Variants in DNAJC2 observed in about 807,000 individuals in gnomAD.
The protein encoded by DNAJC2 is DnaJ heat shock protein family (Hsp40) member C2.
In DNAJC2, 32 loss-of-function variants were observed where a neutral mutation model predicts 94.0. The observed-to-expected ratio is 0.34, with a 90% CI of 0.26 to 0.46. The LOEUF is 0.46. DNAJC2 is among the 20% of genes least tolerant of loss of function. DNAJC2 has a pLI of 1.00. For missense variants in DNAJC2, 550 were observed against 719.5 expected, an observed-to-expected ratio of 0.76 and a Z score of 2.69; for synonymous variants, 210 against 229.7, an observed-to-expected ratio of 0.91 and a Z score of 0.77.
chr7:103,340,948 C>A (rs764748705), intron 2 of DNAJC2, among the ~76,000 whole-genome samples: 2 of 152,202 alleles, frequency 1.3e-5, no homozygotes, highest in Non-Finnish European at 2.9e-5. Flanking sequence ...TTATCCTCAT[C>A]CCAGCATTGG....
intron 4 of DNAJC2, 132 bp from the exon 5 acceptor site, chr7:103,326,816 G>T: frequency 2.3e-6 from 2 of 870,776 alleles, no homozygotes; most frequent in Non-Finnish European, 3.4e-6. Flanking sequence ...TGCAGGTTGG[G>T]GAGGATTTAA....
chr7:103,314,083 A>G (rs182208855), intron 15 of DNAJC2: 7 of 985,412 alleles, frequency 7.1e-6, no homozygotes, highest in African/African-American at 1.7e-5. Context: ...GAGAATTTGT[A>G]TAATATTTGA....
intron 3 of DNAJC2, among the ~76,000 whole-genome samples, chr7:103,332,251 C>T (rs926200140): frequency 4.6e-5 from 7 of 152,248 alleles, no homozygotes; most frequent in East Asian, 1.9e-4. Context: ...ATGATCCGCC[C>T]GCCTTGGCCT....
At chr7:103,332,938 C>G (rs1318472504) in intron 3 of DNAJC2, among the ~76,000 whole-genome samples, 3 of 152,174 alleles carry the variant, frequency 2.0e-5, no homozygotes, top group Non-Finnish European at 4.4e-5. Context: ...CTGTATTTCA[C>G]TACGTTTTGA....
At chr7:103,318,315 G>A (rs1818188743) in intron 12 of DNAJC2, among the ~76,000 whole-genome samples, 1 of 152,080 alleles carries the variant, frequency 6.6e-6, no homozygotes, top group Admixed American at 6.6e-5. Flanking sequence ...ACAGGTACAC[G>A]ACACCATGCC....
At chr7:103,335,512 G>A (rs1030302164) in intron 3 of DNAJC2, 6 of 151,508 alleles carry the variant, frequency 4.0e-5, no homozygotes, top group Admixed American at 6.6e-5. Context: ...ATATTCAAAA[G>A]CTGAATTTCT....
intron 6 of DNAJC2, 132 bp downstream of exon 6, chr7:103,324,350 T>TAACA (rs2115906014): frequency 1.4e-6 from 1 of 693,640 alleles, no homozygotes; most frequent in East Asian, 3.9e-5. Flanking sequence ...ATCACATAGG[T>TAACA]AACAGAGTGC....
intron 1 of DNAJC2, 91 bp downstream of exon 1, chr7:103,344,468 C>A: frequency 6.8e-7 from 1 of 1,467,446 alleles, no homozygotes; most frequent in South Asian, 1.1e-5. Context: ...TCGCCAGGGT[C>A]AAGGGTAGAG....
At chr7:103,341,682 G>A in intron 2 of DNAJC2, 82 bp downstream of exon 2, 1 of 1,167,622 alleles carries the variant, frequency 8.6e-7, no homozygotes, top group Non-Finnish European at 1.2e-6. Flanking sequence ...CTTAAAACAT[G>A]TTTATTAATG....
intron 3 of DNAJC2, among the ~76,000 whole-genome samples, chr7:103,329,871 T>G (rs558469002): frequency 6.6e-6 from 1 of 152,334 alleles, no homozygotes; most frequent in African/African-American, 2.4e-5. Flanking sequence ...CTATATTATC[T>G]ACAAATAATA....
At chr7:103,329,213 C>T (rs1238019091) in intron 3 of DNAJC2, 2 of 250,946 alleles carry the variant, frequency 8.0e-6, no homozygotes, top group South Asian at 4.0e-5. Context: ...TTGACATGTG[C>T]CAGGCCTGTT....
intron 15 of DNAJC2, 104 bp downstream of exon 15, chr7:103,315,660 C>T: frequency 1.5e-6 from 1 of 678,578 alleles, no homozygotes; most frequent in East Asian, 2.8e-5. Context: ...GTCTGCTAAA[C>T]ATTTTATTTC....
Position 103,322,805 on chromosome 7 carries a change from GA to G in DNAJC2, c.720-12del. ...CTCCTCTCATCACGACTATAAAATA[GA>G]AAATATTGGAAACAAACTACTGCTT... On this transcript the variant is annotated splice_polypyrimidine_tract_variant and intron_variant, in intron 7 of 16. Transcript: ENST00000379263. 1 of 1,588,164 alleles carries G rather than the reference GA, an allele frequency of 6.3e-7. No individual in the cohort carries two copies. The highest frequency in any genetic ancestry group is 8.6e-7 in the Non-Finnish European group (1 of 1,169,188).
chr7:103,326,407 A>AAGG (rs1291191196), intron 5 of DNAJC2, 136 bp downstream of exon 5: 3 of 835,566 alleles, frequency 3.6e-6, no homozygotes, highest in Non-Finnish European at 5.7e-6. Context: ...TATTGCAGAG[A>AAGG]AGGAGGAGGA....
chr7:103,313,682 C>T (rs553416118), intron 15 of DNAJC2: 446 of 985,418 alleles, frequency 4.5e-4, no homozygotes, highest in Middle Eastern at 5.2e-4. Context: ...CTGCTAAAAT[C>T]TTGGGAGCCG....
chr7:103,317,996 T>G (rs1586069329), intron 12 of DNAJC2, among the ~76,000 whole-genome samples: 1 of 152,306 alleles, frequency 6.6e-6, no homozygotes, highest in Middle Eastern at 3.4e-3. Flanking sequence ...GTTACATCTA[T>G]CTGATGCACC....
intron 5 of DNAJC2, among the ~76,000 whole-genome samples, chr7:103,325,784 G>A (rs1413631184): frequency 3.9e-5 from 6 of 152,178 alleles, no homozygotes; most frequent in East Asian, 3.8e-4. Flanking sequence ...AATAAAATAC[G>A]TATGCTTTAA....
chr7:103,344,333 G>T, intron 1 of DNAJC2: 1 of 585,266 alleles, frequency 1.7e-6, no homozygotes. Context: ...GGCGAGAGGA[G>T]GAAGCAACGG....
rs72369502 is a variant in DNAJC2 at position 103,320,792 on chromosome 7, CTG to C, written c.1084-950_1084-949del. On this transcript the variant is annotated intron_variant, in intron 10 of 16. Transcript: ENST00000379263. ...ATATATATATATATATATTCTGAAA[CTG>C]TGTCTATATTCATATCTTCAGTTAT... The C allele has an allele frequency of 9.8e-3, 1,587 of 161,980 alleles. 32 individuals carry two copies. The highest frequency in any genetic ancestry group is 0.041 in the African/African-American group (1,509 of 36,638). 10.0% of individuals were successfully genotyped at this position (161,980 alleles called of 1,614,324 possible).
Sources: allele counts gnomAD v4.1 joint callset (sites outside exome capture counted in the v4.1 genomes callset), GRCh38; gene constraint gnomAD v4.1.1; transcripts MANE v1.5; gene names NCBI Gene and HGNC (gene_info 2026-07-23, HGNC 2026-07-21).